Variants in ST3GAL1 observed in about 807,000 individuals in gnomAD.
ST3GAL1 encodes the protein CMP-N-acetylneuraminate-beta-galactosamide-alpha-2,3-sialyltransferase 1.
In ST3GAL1, 16 loss-of-function variants were observed where a neutral mutation model predicts 34.1. That is an observed-to-expected ratio of 0.47 (90% confidence interval 0.32 to 0.71). The LOEUF is 0.71. Among genes scored for constraint, ST3GAL1 ranks in the 30% least tolerant of loss-of-function variants. The pLI, the probability that ST3GAL1 is intolerant of heterozygous loss-of-function variation, is 0.04. For missense variants in ST3GAL1, 353 were observed against 447.4 expected, an observed-to-expected ratio of 0.79 and a Z score of 1.90; for synonymous variants, 191 against 184.7, an observed-to-expected ratio of 1.03 and a Z score of -0.28.
At chr8:133,559,301 T>C (rs567199849) in intron 1 of ST3GAL1, among the ~76,000 whole-genome samples, 1 of 152,284 alleles carries the variant, frequency 6.6e-6, no homozygotes, top group African/African-American at 2.4e-5. Flanking sequence ...CCAAGGATCA[T>C]GTTTGCTGAG....
chr8:133,470,812 C>A (rs1052121481), intron 5 of ST3GAL1, among the ~76,000 whole-genome samples: 3 of 152,144 alleles, frequency 2.0e-5, no homozygotes, highest in Non-Finnish European at 4.4e-5. Context: ...GGGGCACGGC[C>A]CGAGAGCGGA....
intron 2 of ST3GAL1, among the ~76,000 whole-genome samples, chr8:133,522,700 A>C (rs1470654818): frequency 2.6e-5 from 4 of 152,168 alleles, no homozygotes; most frequent in African/African-American, 9.7e-5. Flanking sequence ...TTTCATCCAA[A>C]AACTGAAGAC....
intron 1 of ST3GAL1, among the ~76,000 whole-genome samples, chr8:133,553,948 A>C (rs1452482842): frequency 6.6e-6 from 1 of 152,122 alleles, no homozygotes; most frequent in African/African-American, 2.4e-5. Context: ...GCCAGGAGGA[A>C]GAGACACAAG....
In ST3GAL1 at chr8:133,545,863, G is replaced by A. The variant is rs981820959; in HGVS notation, c.-518C>T. On this transcript the variant is annotated 5_prime_UTR_variant, in exon 2 of 10. Transcript: ENST00000522652. Reference sequence around the variant, plus strand: ...TGCATTTGCTCACTGCAGCTCTTGGGGGTGTTAATTTCCTCTCATTGACAT... The same window carrying A: ...TGCATTTGCTCACTGCAGCTCTTGGAGGTGTTAATTTCCTCTCATTGACAT... 1 of 152,142 alleles carries A rather than the reference G, an allele frequency of 6.6e-6. No individual in the cohort carries two copies. The highest frequency in any genetic ancestry group is 2.4e-5 in the African/African-American group (1 of 41,416). 9.4% of individuals were successfully genotyped at this position (152,142 alleles called of 1,614,324 possible). A position where few individuals can be genotyped will look rare whatever the true frequency, so the allele number is the denominator to read the frequency against.
intron 8 of ST3GAL1, among the ~76,000 whole-genome samples, chr8:133,462,958 T>C (rs1361053341): frequency 6.6e-6 from 1 of 152,238 alleles, no homozygotes; most frequent in African/African-American, 2.4e-5. Context: ...GGTACCTCAC[T>C]TCCCTCCTTC....
chr8:133,568,328 A>G (rs1304241506), intron 1 of ST3GAL1, among the ~76,000 whole-genome samples: 3 of 152,192 alleles, frequency 2.0e-5, no homozygotes, highest in Non-Finnish European at 4.4e-5. Context: ...GCAGGCTCTC[A>G]CAGGGCCCCG....
chr8:133,490,497 T>G (rs1433508085), intron 3 of ST3GAL1, among the ~76,000 whole-genome samples: 2 of 152,142 alleles, frequency 1.3e-5, no homozygotes, highest in African/African-American at 4.8e-5. Context: ...GCCAAGGGCC[T>G]TAGTGATCCA....
Position 133,466,386 on chromosome 8 carries a change from C to T in ST3GAL1, c.307-296G>A, listed in dbSNP as rs1435938833. Among the ~76,000 whole-genome samples, 1 of 152,206 alleles carries T rather than the reference C, an allele frequency of 6.6e-6. No individual in the cohort carries two copies. Among genetic ancestry groups the T allele is most frequent in the Non-Finnish European group, 1.5e-5 (1 of 68,026 alleles). On this transcript the variant is annotated intron_variant, in intron 5 of 9. Coordinates refer to ENST00000522652, the MANE Select transcript of ST3GAL1 (RefSeq NM_173344.3). This position sits in a 1 kb window ranked among gnomAD's most constrained non-coding sequence, Gnocchi z 4.4. ...CTTGGGTGATCCAGCCACACCTGGA[C>T]TCACAGGCCCCTCCCACTCCACATG...
chr8:133,477,261 T>C (rs1468992591), intron 3 of ST3GAL1, among the ~76,000 whole-genome samples: 8 of 152,236 alleles, frequency 5.3e-5, no homozygotes, highest in Admixed American at 5.2e-4. Flanking sequence ...TGGTATCTAT[T>C]AGGCCATTGC....
At chr8:133,527,609 G>T (rs1818015205) in intron 2 of ST3GAL1, among the ~76,000 whole-genome samples, 1 of 152,232 alleles carries the variant, frequency 6.6e-6, no homozygotes, top group South Asian at 2.1e-4. Flanking sequence ...AACCTAGGTT[G>T]TCATGACAAT....
intron 7 of ST3GAL1, 32 bp from the exon 8 acceptor site, chr8:133,463,491 G>C (rs1815593181): frequency 2.5e-6 from 4 of 1,612,774 alleles, no homozygotes; most frequent in Admixed American, 1.7e-5. Flanking sequence ...CTGGTTAATG[G>C]GGCAGGGGAC....
chr8:133,525,043 T>G (rs576330301), intron 2 of ST3GAL1, among the ~76,000 whole-genome samples: 2 of 152,330 alleles, frequency 1.3e-5, no homozygotes, highest in East Asian at 3.9e-4. Flanking sequence ...TTACAGCTCT[T>G]TCAGTCCCAC....
intron 5 of ST3GAL1, among the ~76,000 whole-genome samples, chr8:133,472,793 G>T (rs76408696): frequency 1.3e-5 from 2 of 151,894 alleles, no homozygotes; most frequent in African/African-American, 4.8e-5. Context: ...CTGCAGGTAG[G>T]GGAAGACATC....
chr8:133,461,339 A>G lies in ST3GAL1; in HGVS notation c.849+536T>C, dbSNP rs1481001506. On this transcript the variant is annotated intron_variant, in intron 9 of 9. Coordinates refer to ENST00000522652, the MANE Select transcript of ST3GAL1 (RefSeq NM_173344.3). This position sits in a 1 kb window ranked among gnomAD's most constrained non-coding sequence, Gnocchi z 4.7. ...GGGGTGGCAGCAAACCTCTCAGAGC[A>G]TAAGTGGAAACCCGAACACAGCCTA... 1.3e-5 allele frequency among the ~76,000 whole-genome samples: 2 copies of G among 152,176 alleles called. No individual in the cohort carries two copies. The highest frequency in any genetic ancestry group is 4.8e-5 in the African/African-American group (2 of 41,446).
In ST3GAL1 at chr8:133,535,599, C is replaced by A. The variant is rs116724875; in HGVS notation, c.-429+10175G>T. ...CTCCCTGCAGCCTTGAACTTCTGGC[C>A]TCAGTTTCCCAAGTGACTAGGACTA... is the stretch of plus-strand genomic sequence containing the variant. On this transcript the variant is annotated intron_variant, in intron 2 of 9. Transcript: ENST00000522652. Among the ~76,000 whole-genome samples, 509 of 150,768 alleles carry A rather than the reference C, an allele frequency of 3.4e-3. 2 individuals are homozygous for A. Among genetic ancestry groups the A allele is most frequent in the African/African-American group, 0.012 (470 of 40,276 alleles).
chr8:133,508,891 A>G lies in ST3GAL1; in HGVS notation c.-428-9702T>C, dbSNP rs765444273. ...CTTAGAGGCAAGCAGAAATGACGCA[A>G]GTATGAAACTCAAGCTGGCTGCCCG... On this transcript the variant is annotated intron_variant, in intron 2 of 9. Transcript: ENST00000522652. This position sits in a 1 kb window ranked among gnomAD's most constrained non-coding sequence, Gnocchi z 4.1. Among the ~76,000 whole-genome samples the G allele has an allele frequency of 9.9e-5, 15 of 152,102 alleles. No homozygotes were observed. The highest frequency in any genetic ancestry group is 1.5e-4 in the Non-Finnish European group (10 of 68,020).
intron 2 of ST3GAL1, among the ~76,000 whole-genome samples, chr8:133,509,988 G>A (rs1729838137): frequency 6.6e-6 from 1 of 150,522 alleles, no homozygotes; most frequent in South Asian, 2.1e-4. Context: ...GAACCCAGAA[G>A]GCAGAGGTTG....
At chr8:133,536,424 A>G (rs1484007605) in intron 2 of ST3GAL1, among the ~76,000 whole-genome samples, 1 of 152,238 alleles carries the variant, frequency 6.6e-6, no homozygotes, top group Non-Finnish European at 1.5e-5. Flanking sequence ...AGAAGGGATC[A>G]ATCTGTAGGT....
At chr8:133,474,962 T>G (rs1023056959) in intron 5 of ST3GAL1, among the ~76,000 whole-genome samples, 1 of 152,228 alleles carries the variant, frequency 6.6e-6, no homozygotes, top group Non-Finnish European at 1.5e-5. Context: ...TTTCAATAGC[T>G]GTAGTGGGTG....
Sources: allele counts gnomAD v4.1 joint callset (sites outside exome capture counted in the v4.1 genomes callset), GRCh38; gene constraint gnomAD v4.1.1; non-coding constraint Gnocchi (gnomAD v3.1); transcripts MANE v1.5; gene names NCBI Gene and HGNC (gene_info 2026-07-23, HGNC 2026-07-21).